IQCM: variants seen among roughly 807,000 people sequenced by gnomAD.
The protein encoded by IQCM is IQ motif containing M, also known as IQ domain-containing protein M.
In IQCM, 45 loss-of-function variants were observed where a neutral mutation model predicts 57.6. The ratio of observed to expected loss-of-function variants is 0.78; its 90% confidence interval spans 0.62 to 1.00. The LOEUF (loss-of-function observed/expected upper bound fraction) is 1.00, where lower values mean the gene tolerates loss of function less well. IQCM is among the 50% of genes least tolerant of loss of function. IQCM has a pLI of 0.00. For synonymous variants in IQCM, 148 were observed against 158.9 expected (o/e 0.93, Z 0.51); for missense variants, 468 against 511.6 (o/e 0.91, Z 0.82).
rs72724084 is a variant in IQCM at position 149,440,214 on chromosome 4, G to T, written c.1229-6657C>A. 4.5e-3 allele frequency among the ~76,000 whole-genome samples: 639 copies of T among 141,994 alleles called. 1 individual carries two copies. The highest frequency in any genetic ancestry group is 6.9e-3 in the Non-Finnish European group (459 of 66,362). 93.2% of individuals were successfully genotyped at this position (141,994 alleles called of 152,430 possible). On this transcript the variant is annotated intron_variant, in intron 12 of 13. Coordinates refer to ENST00000636793, the MANE Select transcript of IQCM (RefSeq NM_001363507.2). ...AACTCCCAACCTCAGGTGATCTGCC[G>T]CCTTGACCTTCCAAAATGCTGAGAT...
chr4:149,744,730 C>A (rs1038604278), intron 2 of IQCM, among the ~76,000 whole-genome samples: 31 of 151,948 alleles, frequency 2.0e-4, no homozygotes, highest in African/African-American at 6.8e-4. Context: ...AAGTCTCCAG[C>A]AGACAGTTAC....
chr4:149,442,411 CA>C (rs1182564979), intron 12 of IQCM, among the ~76,000 whole-genome samples: 1 of 151,394 alleles, frequency 6.6e-6, no homozygotes, highest in Non-Finnish European at 1.5e-5. Flanking sequence ...GCAACAACAA[CA>C]AAAAAAACCC....
chr4:149,693,947 A>G (rs972725481), intron 5 of IQCM, among the ~76,000 whole-genome samples: 3 of 152,162 alleles, frequency 2.0e-5, no homozygotes, highest in Non-Finnish European at 2.9e-5. Context: ...CTATCTTAAC[A>G]TTGAAACAAT....
chr4:149,487,304 A>G (rs1320631146), intron 12 of IQCM, among the ~76,000 whole-genome samples: 1 of 152,122 alleles, frequency 6.6e-6, no homozygotes, highest in Non-Finnish European at 1.5e-5. Context: ...GGTATCCAAG[A>G]TGCAAGACAA....
intron 13 of IQCM, among the ~76,000 whole-genome samples, chr4:149,357,627 C>T (rs572577380): frequency 6.6e-6 from 1 of 152,116 alleles, no homozygotes; most frequent in Admixed American, 6.5e-5. Flanking sequence ...CTTTTTGATG[C>T]GTTGCTGGAT....
intron 13 of IQCM, among the ~76,000 whole-genome samples, chr4:149,385,042 G>A (rs374294860): frequency 6.6e-6 from 1 of 152,012 alleles, no homozygotes; most frequent in Non-Finnish European, 1.5e-5. Flanking sequence ...ATGATGAGGT[G>A]GGGGAGAGTT....
intron 8 of IQCM, among the ~76,000 whole-genome samples, chr4:149,596,279 A>G (rs1753764985): frequency 6.6e-6 from 1 of 152,182 alleles, no homozygotes; most frequent in Non-Finnish European, 1.5e-5. Flanking sequence ...ATCCAACAAT[A>G]AATTCTAAAA....
intron 13 of IQCM, among the ~76,000 whole-genome samples, chr4:149,368,596 TG>T (rs1730005930): frequency 6.6e-6 from 1 of 151,004 alleles, no homozygotes; most frequent in Non-Finnish European, 1.5e-5. Context: ...AGCAAGGACA[TG>T]AGAGATGAAA....
chr4:149,668,552 T>C (rs975484289), intron 7 of IQCM, among the ~76,000 whole-genome samples: 6 of 152,050 alleles, frequency 3.9e-5, no homozygotes, highest in African/African-American at 1.4e-4. Context: ...GGGAAATACC[T>C]AATGTAGATG....
At chr4:149,450,814 A>G (rs1235480328) in intron 12 of IQCM, among the ~76,000 whole-genome samples, 2 of 151,834 alleles carry the variant, frequency 1.3e-5, no homozygotes, top group Non-Finnish European at 2.9e-5. Context: ...TTCCTCAAAA[A>G]AACTAAAAAT....
At chr4:149,463,421 C>G (rs1468631305) in intron 12 of IQCM, among the ~76,000 whole-genome samples, 1 of 152,170 alleles carries the variant, frequency 6.6e-6, no homozygotes, top group Non-Finnish European at 1.5e-5. Flanking sequence ...TGAAACTCAT[C>G]TATTTTTAAA....
At chr4:149,739,304 A>G (rs73857735) in intron 3 of IQCM, among the ~76,000 whole-genome samples, 1,724 of 152,164 alleles carry the variant, frequency 0.011, 19 homozygotes, top group African/African-American at 0.039. Context: ...GGATAATAAT[A>G]ATATATGTCA....
chr4:149,576,400 T>G (rs956966640), intron 9 of IQCM, among the ~76,000 whole-genome samples: 4 of 151,848 alleles, frequency 2.6e-5, no homozygotes, highest in Non-Finnish European at 4.4e-5. Context: ...TGTTATTATT[T>G]CAGTAGCTTT....
chr4:149,778,210 A>T (rs1295074956), intron 2 of IQCM, among the ~76,000 whole-genome samples: 2 of 152,136 alleles, frequency 1.3e-5, no homozygotes, highest in Non-Finnish European at 2.9e-5. Flanking sequence ...CCCCATCTCT[A>T]CTAAAAATAC....
chr4:149,586,221 A>G (rs183985100), intron 9 of IQCM, among the ~76,000 whole-genome samples: 5 of 151,820 alleles, frequency 3.3e-5, no homozygotes, highest in Admixed American at 3.3e-4. Context: ...TGTGACTGTT[A>G]TAATTTATTT....
chr4:149,737,916 A>G (rs1767089395), intron 3 of IQCM, among the ~76,000 whole-genome samples: 1 of 152,088 alleles, frequency 6.6e-6, no homozygotes. Context: ...ATCCCTTACA[A>G]TTACTTTAAT....
chr4:149,622,521 T>C (rs915004359), intron 7 of IQCM, among the ~76,000 whole-genome samples: 4 of 152,120 alleles, frequency 2.6e-5, no homozygotes, highest in African/African-American at 7.2e-5. Flanking sequence ...TTTTTGTATT[T>C]TTTAGTAGAG....
chr4:149,452,418 A>T (rs778507802), intron 12 of IQCM, among the ~76,000 whole-genome samples: 1 of 151,556 alleles, frequency 6.6e-6, no homozygotes, highest in Non-Finnish European at 1.5e-5. Context: ...AAGAACGTAT[A>T]CTATCAATGT....
chr4:149,392,902 C>G (rs7673725), intron 13 of IQCM, among the ~76,000 whole-genome samples: 61,146 of 151,766 alleles, frequency 0.4, 12,836 homozygotes, highest in East Asian at 0.51. Context: ...TGGGAGTTGT[C>G]GCTCACACCT....
Sources: allele counts gnomAD v4.1 joint callset (sites outside exome capture counted in the v4.1 genomes callset), GRCh38; gene constraint gnomAD v4.1.1; transcripts MANE v1.5; gene names NCBI Gene and HGNC (gene_info 2026-07-23, HGNC 2026-07-21).